MED27: variants seen among roughly 807,000 people sequenced by gnomAD.
MED27 encodes mediator complex subunit 27.
A neutral mutation model predicts 38.2 loss-of-function variants in MED27; 30 were observed. The observed-to-expected ratio is 0.79, with a 90% CI of 0.59 to 1.07. MED27 has a LOEUF of 1.07. Ranked by LOEUF, MED27 falls within the 50% of genes least tolerant of loss-of-function variation. The pLI is 0.00. For missense variants in MED27, 289 were observed against 397.5 expected (o/e 0.73, Z 2.32); for synonymous variants, 122 against 153.5 (o/e 0.79, Z 1.52).
chr9:132,061,944 A>G (rs968829991), intron 2 of MED27, among the ~76,000 whole-genome samples: 3 of 152,232 alleles, frequency 2.0e-5, no homozygotes, highest in Non-Finnish European at 4.4e-5. Context: ...CTTAATATGC[A>G]TGCTCCTTCA....
At chr9:132,048,472 C>T (rs1260048372) in intron 2 of MED27, among the ~76,000 whole-genome samples, 1 of 152,132 alleles carries the variant, frequency 6.6e-6, no homozygotes, top group African/African-American at 2.4e-5. Flanking sequence ...AACACCATTC[C>T]AAAGTAGTTT....
intron 3 of MED27, among the ~76,000 whole-genome samples, chr9:131,950,201 A>G (rs891743541): frequency 6.6e-6 from 1 of 152,228 alleles, no homozygotes; most frequent in Non-Finnish European, 1.5e-5. Flanking sequence ...CTTTCCAGCA[A>G]CACCAATTAA....
chr9:131,973,836 T>C (rs1052436414), intron 3 of MED27, among the ~76,000 whole-genome samples: 2 of 151,918 alleles, frequency 1.3e-5, no homozygotes, highest in Non-Finnish European at 2.9e-5. Flanking sequence ...GCCTCCCAAG[T>C]AGCTGGGACT....
intron 4 of MED27, among the ~76,000 whole-genome samples, chr9:131,903,897 T>C (rs1186425401): frequency 6.6e-6 from 1 of 151,324 alleles, no homozygotes; most frequent in East Asian, 1.9e-4. Context: ...ACAGCTTTTT[T>C]TTTTTTTTTT....
chr9:131,871,857 C>T (rs1041371481), intron 6 of MED27, among the ~76,000 whole-genome samples: 17 of 152,092 alleles, frequency 1.1e-4, no homozygotes, highest in Admixed American at 3.9e-4. Flanking sequence ...TTTTTTCCTC[C>T]GAATTTTCTG....
chr9:131,869,391 CAAAA>C (rs10657924), intron 6 of MED27: 32 of 929,182 alleles, frequency 3.4e-5, no homozygotes, highest in South Asian at 5.0e-5. Flanking sequence ...AGGCCTGGGG[CAAAA>C]AAAAAAAAAA....
chr9:131,896,414 C>T (rs1185995552), intron 4 of MED27, among the ~76,000 whole-genome samples: 1 of 152,044 alleles, frequency 6.6e-6, no homozygotes, highest in East Asian at 1.9e-4. Context: ...TAATAAATTG[C>T]CTTTGTAATT....
At chr9:132,067,459 G>A (rs1833833478) in intron 2 of MED27, among the ~76,000 whole-genome samples, 1 of 152,212 alleles carries the variant, frequency 6.6e-6, no homozygotes, top group Non-Finnish European at 1.5e-5. Flanking sequence ...AAAGAAAGGA[G>A]GAGGAAGAAC....
intron 2 of MED27, among the ~76,000 whole-genome samples, chr9:132,045,472 T>A (rs1458247499): frequency 6.7e-6 from 1 of 150,102 alleles, no homozygotes; most frequent in Non-Finnish European, 1.5e-5. Flanking sequence ...ACCTTTTACA[T>A]GCATAATAAA....
chr9:131,916,039 T>C (rs1298697215), intron 4 of MED27, among the ~76,000 whole-genome samples: 1 of 152,228 alleles, frequency 6.6e-6, no homozygotes, highest in Non-Finnish European at 1.5e-5. Flanking sequence ...AATAATACCA[T>C]AGACCATATT....
chr9:131,997,866 A>G lies in MED27; in HGVS notation c.479+16471T>C, dbSNP rs1226669045. 6.6e-6 allele frequency among the ~76,000 whole-genome samples: 1 copy of G among 152,172 alleles called. No homozygotes were observed. The highest frequency in any genetic ancestry group is 2.4e-5 in the African/African-American group (1 of 41,442). ...GCTCTATGCGGTGGCTTTCATTATTAACCAGTCCGATGGTGTTCCTTCCCT... is the reference window on the plus strand; with the variant it reads ...GCTCTATGCGGTGGCTTTCATTATTGACCAGTCCGATGGTGTTCCTTCCCT... On this transcript the variant is annotated intron_variant, in intron 3 of 7. Coordinates refer to ENST00000292035, the MANE Select transcript of MED27 (RefSeq NM_004269.4). This position sits in a 1 kb window ranked among gnomAD's most constrained non-coding sequence, Gnocchi z 4.0.
At chr9:131,905,083 CA>C (rs1409093499) in intron 4 of MED27, among the ~76,000 whole-genome samples, 1 of 152,194 alleles carries the variant, frequency 6.6e-6, no homozygotes, top group Non-Finnish European at 1.5e-5. Context: ...AAAAATCCCC[CA>C]AACTATCAAA....
intron 2 of MED27, among the ~76,000 whole-genome samples, chr9:132,058,686 TC>T (rs1833634172): frequency 6.6e-6 from 1 of 152,188 alleles, no homozygotes; most frequent in African/African-American, 2.4e-5. Flanking sequence ...GAGAACAGAC[TC>T]CTATAGAAGG....
intron 4 of MED27, among the ~76,000 whole-genome samples, chr9:131,908,539 T>C (rs1274788036): frequency 6.6e-6 from 1 of 152,074 alleles, no homozygotes; most frequent in African/African-American, 2.4e-5. Flanking sequence ...CTAAGAAAAA[T>C]TCTTCTGCCT....
rs1831764163 is a variant in MED27 at position 131,982,728 on chromosome 9, C to T, written c.479+31609G>A. 1.3e-5 allele frequency among the ~76,000 whole-genome samples: 2 copies of T among 152,164 alleles called. No individual in the cohort carries two copies. On this transcript the variant is annotated intron_variant, in intron 3 of 7. Coordinates refer to ENST00000292035, the MANE Select transcript of MED27 (RefSeq NM_004269.4). The surrounding 1 kb of genome is among the most constrained non-coding windows in gnomAD (Gnocchi z 4.3). ...ACCAACAAACATCTTCTTGAAGGCC[C>T]AGGGAGTAAATATTGTCAGCTTTTC...
intron 2 of MED27, among the ~76,000 whole-genome samples, chr9:132,065,920 G>T (rs568280556): frequency 6.6e-6 from 1 of 152,240 alleles, no homozygotes; most frequent in African/African-American, 2.4e-5. Flanking sequence ...GTTGGTCCCC[G>T]TTAGAGGGCT....
intron 3 of MED27, among the ~76,000 whole-genome samples, chr9:132,013,553 T>A (rs1832529435): frequency 6.6e-6 from 1 of 152,172 alleles, no homozygotes; most frequent in South Asian, 2.1e-4. Flanking sequence ...TCTGTTATCC[T>A]TCCTAATGGG....
chr9:131,946,795 G>A (rs1016059160), intron 3 of MED27, among the ~76,000 whole-genome samples: 1 of 152,136 alleles, frequency 6.6e-6, no homozygotes, highest in Non-Finnish European at 1.5e-5. Context: ...TCTCACCCCC[G>A]TGCCTGGGTC....
chr9:131,993,418 GCTCCCCCTCAGGAA>G (rs1832021409), intron 3 of MED27, among the ~76,000 whole-genome samples: 1 of 152,142 alleles, frequency 6.6e-6, no homozygotes, highest in South Asian at 2.1e-4. Context: ...CGCCTGCTCA[GCTCCCCCTCAGGAA>G]TGCTACCCAG....
Sources: allele counts gnomAD v4.1 joint callset (sites outside exome capture counted in the v4.1 genomes callset), GRCh38; gene constraint gnomAD v4.1.1; non-coding constraint Gnocchi (gnomAD v3.1); transcripts MANE v1.5; gene names NCBI Gene and HGNC (gene_info 2026-07-23, HGNC 2026-07-21).